The following MED22 variants were observed in gnomAD, a reference collection of about 807,000 sequenced individuals.
MED22 encodes mediator complex subunit 22.
Under a neutral mutation model 22.7 loss-of-function variants are expected in MED22, and 22 were observed. That is an observed-to-expected ratio of 0.97 (90% CI 0.69 to 1.38). The LOEUF is 1.38. Among genes scored for constraint, MED22 ranks in the 40% most tolerant of loss-of-function variants. MED22 has a pLI of 0.00. For synonymous variants in MED22, 134 were observed against 119.4 expected (o/e 1.12, Z -0.80); for missense variants, 247 against 263.0 (o/e 0.94, Z 0.42).
At chr9:133,342,291 A>G in intron 4 of MED22, 1 of 986,128 alleles carries the variant, frequency 1.0e-6, no homozygotes, top group Non-Finnish European at 1.2e-6. Flanking sequence ...GCAGGTGAAG[A>G]GCTCAGCTAG....
At position 133,339,012 on chromosome 9, in the gene MED22, G is replaced by C. The variant is rs1353477612; in HGVS notation, c.*2493C>G. The C allele has an allele frequency of 2.4e-6, 2 of 836,444 alleles. No individual in the cohort carries two copies. The highest frequency in any genetic ancestry group is 4.0e-6 in the Non-Finnish European group (2 of 504,104). The allele number at this position is 836,444 out of a possible 1,614,324, so 51.8% of individuals were successfully genotyped here. ...AAAATGACGAACACAAAGGGAAAGA[G>C]GAGAGGCACCCAATATATGTTCTCT... On this transcript the variant is annotated 3_prime_UTR_variant, in exon 5 of 5. Transcript: ENST00000343730.
chr9:133,341,767 G>A, intron 4 of MED22, 73 bp from the exon 5 acceptor site: 3 of 1,558,554 alleles, frequency 1.9e-6, no homozygotes, highest in Admixed American at 2.1e-5. Context: ...GGGAGAGCAA[G>A]ACAGAAGCAG....
At chr9:133,343,734 C>T (rs146259796) in intron 4 of MED22, 90 of 1,296,252 alleles carry the variant, frequency 6.9e-5, no homozygotes, top group Non-Finnish European at 8.3e-5. Context: ...AAGGCTGGCC[C>T]AGCCTTGGCT....
In MED22 at chr9:133,347,946, C is replaced by A; in HGVS notation, c.-63G>T. Reference sequence around the variant, plus strand: ...CCCGCCCCAGCGCCCGCACACCAGACGCCGCGTCCGCCGGGTCGGCCTAGG... The same window carrying A: ...CCCGCCCCAGCGCCCGCACACCAGAAGCCGCGTCCGCCGGGTCGGCCTAGG... On this transcript the variant is annotated 5_prime_UTR_variant, in exon 1 of 5. Coordinates refer to ENST00000343730, the MANE Select transcript of MED22 (RefSeq NM_133640.5). 3.2e-6 allele frequency: 1 copy of A among 313,728 alleles called. No homozygotes were observed. The allele number at this position is 313,728 out of a possible 1,614,324, so 19.4% of individuals were successfully genotyped here. A position where few individuals can be genotyped will look rare whatever the true frequency, so the allele number is the denominator to read the frequency against.
At chr9:133,345,955 A>G (rs1836167652) in intron 2 of MED22, among the ~76,000 whole-genome samples, 1 of 152,206 alleles carries the variant, frequency 6.6e-6, no homozygotes, top group African/African-American at 2.4e-5. Context: ...TGAAGAGGAC[A>G]ACAGTGCCCA....
intron 4 of MED22, chr9:133,343,718 C>A: frequency 7.7e-7 from 1 of 1,294,464 alleles, no homozygotes; most frequent in South Asian, 3.0e-5. Flanking sequence ...ACCTGACTGC[C>A]CAAAAAAGGC....
At chr9:133,341,720 G>A (rs1379402438) in intron 4 of MED22, 26 bp from the exon 5 acceptor site, 3 of 1,597,560 alleles carry the variant, frequency 1.9e-6, no homozygotes, top group Non-Finnish European at 1.7e-6. Flanking sequence ...AAACCCCAGG[G>A]AGAGACAGGA....
chr9:133,343,016 C>G (rs1424631781), intron 4 of MED22: 1 of 986,476 alleles, frequency 1.0e-6, no homozygotes, highest in Non-Finnish European at 1.2e-6. Context: ...CCCAGGACCC[C>G]TCTCAGCCAC....
At position 133,346,700 on chromosome 9, in the gene MED22, C is replaced by T. The variant is rs200560691; in HGVS notation, c.-38G>A. 6.2e-7 allele frequency: 1 copy of T among 1,604,968 alleles called. No individual in the cohort carries two copies. Among genetic ancestry groups the T allele is most frequent in the East Asian group, 2.2e-5 (1 of 44,864 alleles). On this transcript the variant is annotated splice_region_variant and 5_prime_UTR_variant, in exon 2 of 5. Transcript: ENST00000343730. Reference sequence around the variant, plus strand: ...AGCAGCGCAGCGGGGAGACCTGGGACCTAGAGTGCAGCACAGACCTCTGAG... The same window carrying T: ...AGCAGCGCAGCGGGGAGACCTGGGATCTAGAGTGCAGCACAGACCTCTGAG...
intron 4 of MED22, chr9:133,342,908 G>A: frequency 1.0e-6 from 1 of 985,668 alleles, no homozygotes; most frequent in Non-Finnish European, 1.2e-6. Flanking sequence ...CAGGCCCACA[G>A]CTGCTCTGTG....
At position 133,339,143 on chromosome 9, in the gene MED22, A is replaced by G. The variant is rs1835953348; in HGVS notation, c.*2362T>C. 4.4e-6 allele frequency: 3 copies of G among 681,166 alleles called. No individual in the cohort carries two copies. The highest frequency in any genetic ancestry group is 8.2e-6 in the Non-Finnish European group (3 of 364,274). 42.2% of individuals were successfully genotyped at this position (681,166 alleles called of 1,614,324 possible). On this transcript the variant is annotated 3_prime_UTR_variant, in exon 5 of 5. Transcript: ENST00000343730. ...GGGAATGGGTACTGTTCAAAAAGGA[A>G]TGCCCCACAAATGTCACCATGGCTA...
intron 4 of MED22, 129 bp from the exon 5 acceptor site, chr9:133,341,823 C>A (rs1836014727): frequency 1.4e-6 from 2 of 1,443,032 alleles, no homozygotes; most frequent in African/African-American, 3.0e-5. Context: ...TTCCCTTTCT[C>A]CACTCCTGCT....
intron 2 of MED22, among the ~76,000 whole-genome samples, chr9:133,345,600 G>A (rs1290558066): frequency 6.6e-6 from 1 of 152,194 alleles, no homozygotes; most frequent in Admixed American, 6.5e-5. Context: ...TCACTTGCTT[G>A]GCATTTGGTA....
At chr9:133,342,246 C>G in intron 4 of MED22, 3 of 986,428 alleles carry the variant, frequency 3.0e-6, no homozygotes, top group Non-Finnish European at 3.6e-6. Context: ...GGCGTCCCCA[C>G]CTCTAACACG....
At chr9:133,342,752 G>A in intron 4 of MED22, 3 of 985,942 alleles carry the variant, frequency 3.0e-6, no homozygotes, top group Non-Finnish European at 3.6e-6. Flanking sequence ...TGGCCTGGAA[G>A]CCCCGCTGGG....
At chr9:133,343,014 C>A in intron 4 of MED22, 1 of 986,406 alleles carries the variant, frequency 1.0e-6, no homozygotes, top group Non-Finnish European at 1.2e-6. Flanking sequence ...ACCCCAGGAC[C>A]CCTCTCAGCC....
At chr9:133,342,073 G>A (rs1421694249) in intron 4 of MED22, 1 of 1,091,404 alleles carries the variant, frequency 9.2e-7, no homozygotes, top group Non-Finnish European at 1.1e-6. Context: ...CTCCCTGACT[G>A]CAGAAACCCC....
intron 4 of MED22, chr9:133,342,209 C>T: frequency 1.0e-6 from 1 of 987,282 alleles, no homozygotes. Flanking sequence ...TCCCGATAGC[C>T]CTACATCAGC....
At chr9:133,342,511 A>G (rs1836036713) in intron 4 of MED22, 10 of 986,944 alleles carry the variant, frequency 1.0e-5, no homozygotes, top group Non-Finnish European at 1.2e-5. Flanking sequence ...TAACAAGCAG[A>G]GAGGGGGCAG....
Sources: allele counts gnomAD v4.1 joint callset (sites outside exome capture counted in the v4.1 genomes callset), GRCh38; gene constraint gnomAD v4.1.1; transcripts MANE v1.5; gene names NCBI Gene and HGNC (gene_info 2026-07-23, HGNC 2026-07-21).